CCDC178: variants seen among roughly 807,000 people sequenced by gnomAD.
The protein encoded by CCDC178 is coiled-coil domain containing 178.
Under a neutral mutation model 117.4 loss-of-function variants are expected in CCDC178, and 126 were observed. That is an observed-to-expected ratio of 1.07 (90% CI 0.93 to 1.24). CCDC178 has a LOEUF of 1.24. Among genes scored for constraint, CCDC178 ranks in the 50% most tolerant of loss-of-function variants. The pLI is 0.00. For missense variants in CCDC178, 1,030 were observed against 986.9 expected (o/e 1.04, Z -0.59); for synonymous variants, 283 against 313.4 (o/e 0.90, Z 1.02).
chr18:33,217,512 T>G (rs2059180809), intron 18 of CCDC178, among the ~76,000 whole-genome samples: 1 of 151,958 alleles, frequency 6.6e-6, no homozygotes, highest in African/African-American at 2.4e-5. Context: ...CCTTAATAAA[T>G]ATGTTAAATA....
chr18:33,249,572 G>T (rs1208082219), intron 14 of CCDC178, among the ~76,000 whole-genome samples: 1 of 151,948 alleles, frequency 6.6e-6, no homozygotes, highest in African/African-American at 2.4e-5. Context: ...AAGATCAGAT[G>T]GTTGTAGATG....
intron 20 of CCDC178, among the ~76,000 whole-genome samples, chr18:33,186,652 T>G (rs564892351): frequency 1.8e-4 from 28 of 152,184 alleles, no homozygotes; most frequent in Admixed American, 1.6e-3. Context: ...TGTTACTTTT[T>G]CTTTCAGCGC....
At chr18:33,278,282 CATATATATATAT>C (rs36227101) in intron 12 of CCDC178, among the ~76,000 whole-genome samples, 2,011 of 141,232 alleles carry the variant, frequency 0.014, 21 homozygotes, top group Non-Finnish European at 0.017. Context: ...TACACAAATA[CATATATATATAT>C]ATATATATAT....
intron 21 of CCDC178, among the ~76,000 whole-genome samples, chr18:33,059,099 C>T (rs1191039562): frequency 1.3e-5 from 2 of 152,106 alleles, no homozygotes; most frequent in African/African-American, 4.8e-5. Context: ...GGGCTAATAG[C>T]TTTGAATTTT....
chr18:33,239,570 C>T (rs1260519503), intron 15 of CCDC178, among the ~76,000 whole-genome samples: 1 of 149,162 alleles, frequency 6.7e-6, no homozygotes, highest in African/African-American at 2.4e-5. Context: ...GTACTTATAT[C>T]AGACAAATCA....
intron 5 of CCDC178, among the ~76,000 whole-genome samples, chr18:33,379,385 G>A (rs368731230): frequency 6.6e-6 from 1 of 151,934 alleles, no homozygotes; most frequent in Admixed American, 6.6e-5. Context: ...ACTTATGCGT[G>A]GCAGCCAGCT....
rs530873562 is a variant in CCDC178 at position 33,270,061 on chromosome 18, T to C, written c.1177-2764A>G. Among the ~76,000 whole-genome samples, 8 of 151,782 alleles carry C rather than the reference T, an allele frequency of 5.3e-5. No individual in the cohort carries two copies. In the East Asian group the frequency reaches 9.7e-4, roughly 18 times the overall value. ...ATTATTTTAAAAACTCAAATATAAATTTGACAGTTGAAAAGTACAATAACT... is the reference window on the plus strand; with the variant it reads ...ATTATTTTAAAAACTCAAATATAAACTTGACAGTTGAAAAGTACAATAACT... On this transcript the variant is annotated intron_variant, in intron 12 of 22. Transcript: ENST00000383096.
chr18:33,103,393 A>G (rs1167510271), intron 20 of CCDC178, among the ~76,000 whole-genome samples: 14 of 151,684 alleles, frequency 9.2e-5, no homozygotes, highest in Non-Finnish European at 1.6e-4. Context: ...TGGTGGGGAC[A>G]CAGAGCCAAA....
chr18:33,083,022 T>C (rs936078667), intron 21 of CCDC178, among the ~76,000 whole-genome samples: 1 of 152,190 alleles, frequency 6.6e-6, no homozygotes, highest in African/African-American at 2.4e-5. Flanking sequence ...TGAAGTATGC[T>C]ATGTAATCTC....
chr18:33,333,976 C>T (rs141319781), intron 9 of CCDC178, among the ~76,000 whole-genome samples: 89 of 152,120 alleles, frequency 5.9e-4, no homozygotes, highest in Middle Eastern at 3.4e-3. Context: ...ATAAAGTACT[C>T]TATGTAACTG....
chr18:33,357,965 A>C (rs952091360), intron 6 of CCDC178, among the ~76,000 whole-genome samples: 229 of 54,148 alleles, frequency 4.2e-3, no homozygotes, highest in African/African-American at 0.036. Context: ...CGAACATCAT[A>C]AGAGTATATT....
At chr18:33,045,361 T>C (rs1046516563) in intron 21 of CCDC178, among the ~76,000 whole-genome samples, 1 of 152,102 alleles carries the variant, frequency 6.6e-6, no homozygotes, top group Non-Finnish European at 1.5e-5. Flanking sequence ...GAGAGCTAGA[T>C]TTTATCTTGC....
chr18:33,195,798 GA>G (rs1017940547), intron 20 of CCDC178, among the ~76,000 whole-genome samples: 1 of 152,150 alleles, frequency 6.6e-6, no homozygotes, highest in Non-Finnish European at 1.5e-5. Context: ...ATACTACACT[GA>G]TGTTTTACTT....
chr18:32,943,215 A>G (rs892826737), intron 22 of CCDC178, among the ~76,000 whole-genome samples: 2 of 152,172 alleles, frequency 1.3e-5, no homozygotes, highest in Non-Finnish European at 2.9e-5. Context: ...CTTTCATTTT[A>G]TATATAACAA....
At position 33,180,498 on chromosome 18, in the gene CCDC178, A is replaced by G. The variant is rs1395360394; in HGVS notation, c.2238+31398T>C. On this transcript the variant is annotated intron_variant, in intron 20 of 22. Coordinates refer to ENST00000383096, the MANE Select transcript of CCDC178 (RefSeq NM_001105528.4). The stretch of plus-strand genomic sequence containing the variant: ...CAATGAGTCATACTAAATTTCTCAA[A>G]GACATCCTGGAAGAAATAGACTTAG... Among the ~76,000 whole-genome samples the G allele has an allele frequency of 2.0e-5, 3 of 151,958 alleles. No individual in the cohort carries two copies. In the East Asian group the frequency reaches 5.8e-4, roughly 29 times the overall value.
At chr18:33,200,218 T>C (rs1298535190) in intron 20 of CCDC178, among the ~76,000 whole-genome samples, 1 of 152,188 alleles carries the variant, frequency 6.6e-6, no homozygotes, top group East Asian at 1.9e-4. Context: ...AATTTTCACT[T>C]CATTGCACTG....
chr18:33,403,176 C>G (rs927246410), intron 3 of CCDC178, among the ~76,000 whole-genome samples: 1 of 152,128 alleles, frequency 6.6e-6, no homozygotes, highest in African/African-American at 2.4e-5. Flanking sequence ...GCTGAGCTGT[C>G]AAGTCCTTGG....
chr18:33,307,679 A>G (rs886251514), intron 11 of CCDC178, among the ~76,000 whole-genome samples: 17 of 152,162 alleles, frequency 1.1e-4, no homozygotes, highest in African/African-American at 2.4e-5. Flanking sequence ...GAGGCCTAGG[A>G]GGGAAAAACG....
chr18:32,954,549 T>C (rs1437352148), intron 22 of CCDC178: 3 of 152,146 alleles, frequency 2.0e-5, no homozygotes, highest in South Asian at 2.1e-4. Context: ...TGTTACAACT[T>C]AATACATCAA....
Sources: gnomAD v4.1 joint callset for allele counts (sites outside exome capture counted in the v4.1 genomes callset) on GRCh38, gnomAD v4.1.1 for gene constraint, MANE v1.5 for transcripts, NCBI Gene and HGNC (gene_info 2026-07-23, HGNC 2026-07-21) for gene names.